IRAK2: variants seen among roughly 807,000 people sequenced by gnomAD.
The protein encoded by IRAK2 is interleukin 1 receptor associated kinase 2.
IRAK2 carries 57 observed loss-of-function variants against 72.0 expected under a neutral mutation model. The ratio of observed to expected loss-of-function variants is 0.79; its 90% CI spans 0.64 to 0.99. IRAK2 has a LOEUF of 0.99. Ranked by LOEUF, IRAK2 falls within the 50% of genes least tolerant of loss-of-function variation. IRAK2 has a pLI of 0.00. For synonymous variants in IRAK2, 293 were observed against 312.7 expected (o/e 0.94, Z 0.67); for missense variants, 790 against 794.4 (o/e 0.99, Z 0.07).
chr3:10,242,476 G>GGAGACTGAAGCAGA lies in IRAK2; in HGVS notation c.*249_*262dup. The GGAGACTGAAGCAGA allele has an allele frequency of 3.7e-6, 1 of 266,930 alleles. No individual in the cohort carries two copies. 16.5% of individuals were successfully genotyped at this position (266,930 alleles called of 1,614,324 possible). ...TTGTTAGTCAGAGCAGGGGATCAGAGGAGACTGAAGCAGAAACCCTGCACA... is the reference window on the plus strand; with the variant it reads ...TTGTTAGTCAGAGCAGGGGATCAGAGGAGACTGAAGCAGAGAGACTGAAGCAGAAACCCTGCACA... On this transcript the variant is annotated 3_prime_UTR_variant, in exon 13 of 13. Coordinates refer to ENST00000256458, the MANE Select transcript of IRAK2 (RefSeq NM_001570.4).
intron 2 of IRAK2, among the ~76,000 whole-genome samples, chr3:10,191,653 C>A (rs1296331590): frequency 6.6e-6 from 1 of 152,290 alleles, no homozygotes; most frequent in East Asian, 1.9e-4. Flanking sequence ...TCCCTACATT[C>A]TTCCATGCTA....
intron 11 of IRAK2, among the ~76,000 whole-genome samples, chr3:10,236,357 T>G (rs868139988): frequency 0.01 from 1,516 of 149,386 alleles, 26 homozygotes; most frequent in African/African-American, 0.035. Context: ...TTTTTTTTTT[T>G]TTTTTTTTTT....
chr3:10,235,150 G>A (rs1697935959), intron 11 of IRAK2, among the ~76,000 whole-genome samples: 1 of 152,174 alleles, frequency 6.6e-6, no homozygotes, highest in South Asian at 2.1e-4. Flanking sequence ...CCTGGATGGT[G>A]TCGGCGCCAG....
At chr3:10,179,452 T>TA (rs1474800713) in intron 2 of IRAK2, among the ~76,000 whole-genome samples, 1 of 149,702 alleles carries the variant, frequency 6.7e-6, no homozygotes, top group Non-Finnish European at 1.5e-5. Context: ...TTTTTTTTTT[T>TA]ATATGAAGTC....
intron 2 of IRAK2, among the ~76,000 whole-genome samples, chr3:10,185,035 C>G (rs1697032597): frequency 6.6e-6 from 1 of 150,916 alleles, no homozygotes; most frequent in Non-Finnish European, 1.5e-5. Flanking sequence ...CGGGCCAAAA[C>G]TCCATTCCCA....
intron 4 of IRAK2, among the ~76,000 whole-genome samples, chr3:10,212,763 C>CTTTTTT (rs543464447): frequency 7.9e-6 from 1 of 125,968 alleles, no homozygotes; most frequent in Non-Finnish European, 1.6e-5. Flanking sequence ...TATCCATGTC[C>CTTTTTT]TTTTTTTTTT....
chr3:10,207,730 C>T (rs1306710828), intron 3 of IRAK2, among the ~76,000 whole-genome samples: 2 of 152,156 alleles, frequency 1.3e-5, no homozygotes, highest in African/African-American at 2.4e-5. Context: ...TGGTGGCTCA[C>T]GCCTATAATC....
intron 4 of IRAK2, among the ~76,000 whole-genome samples, chr3:10,211,396 C>T (rs572436834): frequency 0.36 from 262 of 732 alleles, 6 homozygotes; most frequent in South Asian, 0.48. Context: ...CCTGCCTTGG[C>T]CTCCCACATA....
intron 1 of IRAK2, 28 bp from the exon 2 acceptor site, chr3:10,177,810 T>C (rs1696899305): frequency 2.5e-6 from 4 of 1,606,358 alleles, no homozygotes; most frequent in Non-Finnish European, 3.4e-6. Flanking sequence ...TCTCTGACTC[T>C]AAGCAGAGTT....
chr3:10,176,655 T>A (rs1696879565), intron 1 of IRAK2, among the ~76,000 whole-genome samples: 1 of 149,224 alleles, frequency 6.7e-6, no homozygotes, highest in Non-Finnish European at 1.5e-5. Flanking sequence ...TTTTTTGTAT[T>A]TTTAGTAGAG....
At chr3:10,239,120 T>A in intron 12 of IRAK2, 81 bp downstream of exon 12, 1 of 1,250,044 alleles carries the variant, frequency 8.0e-7, no homozygotes, top group Non-Finnish European at 1.1e-6. Flanking sequence ...TTCTGTTGCC[T>A]TCATTCACTC....
chr3:10,205,447 G>T (rs987788935), intron 3 of IRAK2, among the ~76,000 whole-genome samples: 1 of 152,188 alleles, frequency 6.6e-6, no homozygotes, highest in Non-Finnish European at 1.5e-5. Context: ...AGGCCTCAGG[G>T]ATTCCCCCAA....
intron 9 of IRAK2, among the ~76,000 whole-genome samples, chr3:10,225,912 G>T (rs1350865470): frequency 6.6e-6 from 1 of 152,010 alleles, no homozygotes; most frequent in Non-Finnish European, 1.5e-5. Flanking sequence ...TGTTAGCCAG[G>T]ATGGTCTCGA....
At chr3:10,206,812 T>A (rs999366401) in intron 3 of IRAK2, among the ~76,000 whole-genome samples, 3 of 151,792 alleles carry the variant, frequency 2.0e-5, no homozygotes, top group Admixed American at 2.0e-4. Flanking sequence ...TGCCTCAGCC[T>A]CCCAAAGCGC....
In IRAK2 at chr3:10,167,498, T is replaced by C. The variant is rs933902050; in HGVS notation, c.94+2450T>C. ...GGCGCAATCTCGGCTCACTGCAAGC[T>C]CCACCTCCTGGGTTCATGCCATTCT... is the stretch of plus-strand genomic sequence containing the variant. On this transcript the variant is annotated intron_variant, in intron 1 of 12. Transcript: ENST00000256458. Among the ~76,000 whole-genome samples the C allele has an allele frequency of 5.9e-5, 9 of 151,834 alleles. 1 individual carries two copies. The South Asian group carries it at 6.3e-4, about 11-fold the overall frequency.
intron 3 of IRAK2, among the ~76,000 whole-genome samples, chr3:10,205,389 C>A (rs1029572197): frequency 5.3e-5 from 8 of 152,150 alleles, no homozygotes; most frequent in Non-Finnish European, 1.2e-4. Context: ...TCCCCAAGAC[C>A]ACAGGGATAA....
chr3:10,201,565 A>G (rs1255942271), intron 3 of IRAK2, among the ~76,000 whole-genome samples: 2 of 152,254 alleles, frequency 1.3e-5, no homozygotes, highest in Non-Finnish European at 2.9e-5. Context: ...ATCCCTAAGC[A>G]TCATACTCAC....
chr3:10,202,124 G>A (rs1697369025), intron 3 of IRAK2, among the ~76,000 whole-genome samples: 1 of 152,192 alleles, frequency 6.6e-6, no homozygotes, highest in African/African-American at 2.4e-5. Flanking sequence ...CTAGGCCAAG[G>A]AGTCTGGATT....
intron 2 of IRAK2, among the ~76,000 whole-genome samples, chr3:10,196,520 C>G (rs987085084): frequency 6.6e-6 from 1 of 152,238 alleles, no homozygotes; most frequent in Admixed American, 6.5e-5. Flanking sequence ...TGGAGAGAAA[C>G]TGGCTTCTAG....
Sources: gnomAD v4.1 joint callset for allele counts (sites outside exome capture counted in the v4.1 genomes callset) on GRCh38, gnomAD v4.1.1 for gene constraint, MANE v1.5 for transcripts, NCBI Gene and HGNC (gene_info 2026-07-23, HGNC 2026-07-21) for gene names.